The following PLPPR5 variants were observed in gnomAD, a reference collection of about 807,000 sequenced individuals.
The protein encoded by PLPPR5 is phospholipid phosphatase related 5, also known as phospholipid phosphatase-related protein type 5.
A neutral mutation model predicts 33.9 loss-of-function variants in PLPPR5; 16 were observed. That is an observed-to-expected ratio of 0.47 (90% CI 0.32 to 0.72). PLPPR5 has a LOEUF of 0.72. Ranked by LOEUF, PLPPR5 falls within the 30% of genes least tolerant of loss-of-function variation. PLPPR5 has a pLI of 0.03. For missense variants in PLPPR5, 301 were observed against 406.7 expected (o/e 0.74, Z 2.23); for synonymous variants, 163 against 150.3 (o/e 1.08, Z -0.62).
At chr1:98,905,302 A>G (rs1648854252) in intron 5 of PLPPR5, among the ~76,000 whole-genome samples, 1 of 152,134 alleles carries the variant, frequency 6.6e-6, no homozygotes, top group African/African-American at 2.4e-5. Context: ...TTATTTCCTA[A>G]TTGTATTTGC....
At chr1:98,936,305 C>T (rs964005949) in intron 3 of PLPPR5, among the ~76,000 whole-genome samples, 2 of 152,124 alleles carry the variant, frequency 1.3e-5, no homozygotes, top group Non-Finnish European at 2.9e-5. Flanking sequence ...AGTTTTAGGG[C>T]TTTTTAGAGT....
intron 5 of PLPPR5, among the ~76,000 whole-genome samples, chr1:98,909,850 G>C (rs2101146336): frequency 6.6e-6 from 1 of 152,218 alleles, no homozygotes; most frequent in African/African-American, 2.4e-5. Context: ...AGTGGACGTT[G>C]GGATGCAACG....
rs761402234 is a variant in PLPPR5 at position 99,004,453 on chromosome 1, G to C, written c.219C>G (p.Ala73=). Residue 73 remains alanine, a synonymous_variant, in exon 1 of 6, where the codon GCC becomes GCG. Coordinates refer to ENST00000263177, the MANE Select transcript of PLPPR5 (RefSeq NM_001037317.2). ...VPPVLLYSLA[A]GVPVLVIIVG... ...GGCTTACCACGAGCACGGGGACCCC[G>C]GCGGCCAGCGAGTAGAGGAGCACGG... The C allele has an allele frequency of 1.9e-6, 3 of 1,606,336 alleles. No homozygotes were observed. The highest frequency in any genetic ancestry group is 4.5e-5 in the East Asian group (2 of 44,342).
At chr1:98,935,855 G>C (rs565316258) in intron 3 of PLPPR5, among the ~76,000 whole-genome samples, 2 of 152,252 alleles carry the variant, frequency 1.3e-5, no homozygotes, top group South Asian at 4.1e-4. Flanking sequence ...AACCATGCTG[G>C]AAATCAAAAT....
chr1:98,915,679 C>T (rs1198444955), intron 4 of PLPPR5, among the ~76,000 whole-genome samples: 1 of 151,948 alleles, frequency 6.6e-6, no homozygotes, highest in East Asian at 1.9e-4. Context: ...TGAACTAAAC[C>T]AGAGGTTCTC....
At chr1:98,985,257 C>T (rs949438290) in intron 1 of PLPPR5, among the ~76,000 whole-genome samples, 1 of 151,994 alleles carries the variant, frequency 6.6e-6, no homozygotes, top group Admixed American at 6.6e-5. Flanking sequence ...GATGATCTGT[C>T]TTTAGGCAGA....
chr1:98,930,046 C>A (rs1649908418), intron 3 of PLPPR5, among the ~76,000 whole-genome samples: 1 of 152,094 alleles, frequency 6.6e-6, no homozygotes, highest in African/African-American at 2.4e-5. Flanking sequence ...TTAAAATTCC[C>A]TGACTAGCAA....
At chr1:98,933,236 A>AGCACTTT (rs1650049679) in intron 3 of PLPPR5, among the ~76,000 whole-genome samples, 1 of 151,916 alleles carries the variant, frequency 6.6e-6, no homozygotes, top group Admixed American at 6.6e-5. Flanking sequence ...CTGTAATCCC[A>AGCACTTT]GCACTTTGGG....
At chr1:98,989,118 A>G (rs1451938321) in intron 1 of PLPPR5, among the ~76,000 whole-genome samples, 1 of 152,114 alleles carries the variant, frequency 6.6e-6, no homozygotes, top group South Asian at 2.1e-4. Flanking sequence ...CTCGTTGCAC[A>G]TGAATAAACA....
At chr1:98,899,940 T>C (rs979329769) in intron 5 of PLPPR5, among the ~76,000 whole-genome samples, 1 of 152,114 alleles carries the variant, frequency 6.6e-6, no homozygotes, top group Non-Finnish European at 1.5e-5. Flanking sequence ...TCCATGCACT[T>C]TGTCTTCTAA....
At chr1:98,903,213 A>G (rs1648762356) in intron 5 of PLPPR5, among the ~76,000 whole-genome samples, 1 of 152,168 alleles carries the variant, frequency 6.6e-6, no homozygotes, top group Non-Finnish European at 1.5e-5. Context: ...AAATGCTCAA[A>G]GCCTAGATTA....
intron 1 of PLPPR5, among the ~76,000 whole-genome samples, chr1:98,964,930 G>A (rs1651376981): frequency 6.6e-6 from 1 of 151,452 alleles, no homozygotes; most frequent in Non-Finnish European, 1.5e-5. Context: ...CTCCTGAGTA[G>A]ATGAGACTAC....
At chr1:98,968,796 T>C (rs1014632252) in intron 1 of PLPPR5, among the ~76,000 whole-genome samples, 2 of 152,062 alleles carry the variant, frequency 1.3e-5, no homozygotes, top group African/African-American at 4.8e-5. Context: ...TTTATTGTAT[T>C]CAGCATATAG....
At chr1:98,985,829 G>T (rs1285009491) in intron 1 of PLPPR5, among the ~76,000 whole-genome samples, 1 of 151,966 alleles carries the variant, frequency 6.6e-6, no homozygotes, top group Non-Finnish European at 1.5e-5. Context: ...TGCCATTTAG[G>T]TTTGTGTAAG....
intron 4 of PLPPR5, among the ~76,000 whole-genome samples, chr1:98,920,452 A>G (rs1028878520): frequency 9.7e-6 from 1 of 103,066 alleles, no homozygotes; most frequent in Non-Finnish European, 2.2e-5. Flanking sequence ...GTGGTGAGTC[A>G]ATGCAAAAAA....
chr1:98,922,820 C>T (rs1649617456), intron 3 of PLPPR5, among the ~76,000 whole-genome samples: 1 of 152,038 alleles, frequency 6.6e-6, no homozygotes, highest in South Asian at 2.1e-4. Flanking sequence ...CCCATCTCTA[C>T]TAAGAATACA....
chr1:98,935,480 C>T (rs1438312495), intron 3 of PLPPR5, among the ~76,000 whole-genome samples: 1 of 152,034 alleles, frequency 6.6e-6, no homozygotes, highest in Admixed American at 6.6e-5. Context: ...TTTGTAATAA[C>T]CCCCAATTTA....
chr1:98,937,972 T>C (rs1320885159), intron 3 of PLPPR5, among the ~76,000 whole-genome samples: 1 of 152,146 alleles, frequency 6.6e-6, no homozygotes, highest in Admixed American at 6.5e-5. Flanking sequence ...ACATGGAAAT[T>C]AATTCAAAGA....
intron 5 of PLPPR5, among the ~76,000 whole-genome samples, chr1:98,909,415 T>C (rs1233124130): frequency 6.6e-6 from 1 of 151,842 alleles, no homozygotes; most frequent in Admixed American, 6.6e-5. Flanking sequence ...GATTTTATTA[T>C]ATATACATTT....
Sources: allele counts gnomAD v4.1 joint callset (sites outside exome capture counted in the v4.1 genomes callset), GRCh38; gene constraint gnomAD v4.1.1; transcripts MANE v1.5; gene names NCBI Gene and HGNC (gene_info 2026-07-23, HGNC 2026-07-21).